The following EPB41L4A variants were observed in gnomAD, a reference collection of about 807,000 sequenced individuals.
The protein encoded by EPB41L4A is erythrocyte membrane protein band 4.1 like 4A, also known as band 4.1-like protein 4A.
EPB41L4A carries 100 observed loss-of-function variants against 108.6 expected under a neutral mutation model. That is an observed-to-expected ratio of 0.92 (90% CI 0.78 to 1.09). EPB41L4A has a LOEUF of 1.09. Among genes scored for constraint, EPB41L4A ranks in the 50% least tolerant of loss-of-function variants. The pLI is 0.00. For synonymous variants in EPB41L4A, 319 were observed against 289.0 expected, an observed-to-expected ratio of 1.10 and a Z score of -1.05; for missense variants, 1,030 against 842.7, an observed-to-expected ratio of 1.22 and a Z score of -2.75.
intron 12 of EPB41L4A, among the ~76,000 whole-genome samples, chr5:112,154,435 T>C (rs1282981369): frequency 1.3e-5 from 2 of 152,242 alleles, no homozygotes; most frequent in Admixed American, 1.3e-4. Flanking sequence ...TTTTGATATT[T>C]AACATTCAAT....
At position 112,416,073 on chromosome 5, in the gene EPB41L4A, T is replaced by C. The variant is rs150866820; in HGVS notation, c.99+2868A>G. 2.0e-5 allele frequency among the ~76,000 whole-genome samples: 3 copies of C among 151,182 alleles called. No individual in the cohort carries two copies. In the East Asian group the frequency reaches 5.8e-4, roughly 29 times the overall value. Reference sequence around the variant, plus strand: ...CTGATATTCATCTTACCATATAAGATGAGTAACTGTTGTCTTCAGGCTGAA... The same window carrying C: ...CTGATATTCATCTTACCATATAAGACGAGTAACTGTTGTCTTCAGGCTGAA... On this transcript the variant is annotated intron_variant, in intron 1 of 22. Coordinates refer to ENST00000261486, the MANE Select transcript of EPB41L4A (RefSeq NM_022140.5).
chr5:112,174,991 G>T (rs1760787403), intron 18 of EPB41L4A, among the ~76,000 whole-genome samples: 1 of 152,116 alleles, frequency 6.6e-6, no homozygotes, highest in South Asian at 2.1e-4. Context: ...AAGCCACTGA[G>T]ATGAACAACC....
intron 12 of EPB41L4A, among the ~76,000 whole-genome samples, chr5:112,224,847 C>T (rs188287926): frequency 6.6e-6 from 1 of 152,248 alleles, no homozygotes; most frequent in South Asian, 2.1e-4. Context: ...CACAATCACA[C>T]TTTTGCCAAA....
intron 1 of EPB41L4A, among the ~76,000 whole-genome samples, chr5:112,395,320 G>A (rs1761256315): frequency 6.6e-6 from 1 of 152,236 alleles, no homozygotes; most frequent in African/African-American, 2.4e-5. Flanking sequence ...CCTACAGAAT[G>A]GGAGAAAATT....
In EPB41L4A at chr5:112,240,812, TAA is replaced by T; in HGVS notation, c.796-4_796-3del. 6.4e-7 allele frequency: 1 copy of T among 1,566,832 alleles called. No individual in the cohort carries two copies. The highest frequency in any genetic ancestry group is 8.6e-7 in the Non-Finnish European group (1 of 1,156,164). ...AAAAAAGAATGAGGTTTCGTTACAC[TAA>T]GAGAGAAAGAGAGACAGAATATGAA... On this transcript the variant is annotated splice_region_variant and splice_polypyrimidine_tract_variant and intron_variant, in intron 9 of 22. Coordinates refer to ENST00000261486, the MANE Select transcript of EPB41L4A (RefSeq NM_022140.5).
chr5:112,412,891 T>A (rs946892684), intron 1 of EPB41L4A, among the ~76,000 whole-genome samples: 6 of 152,214 alleles, frequency 3.9e-5, no homozygotes, highest in African/African-American at 1.4e-4. Flanking sequence ...AATTTTTTCA[T>A]AAAAACCCAA....
intron 1 of EPB41L4A, among the ~76,000 whole-genome samples, chr5:112,384,836 C>T (rs255721): frequency 0.53 from 80,767 of 151,956 alleles, 23,418 homozygotes; most frequent in African/African-American, 0.79. Flanking sequence ...AATGGAATCA[C>T]AATGGAATTT....
rs887010840 is a variant in EPB41L4A, at chr5:112,329,065, C to T, written c.100-21575G>A. On this transcript the variant is annotated intron_variant, in intron 1 of 22. Coordinates refer to ENST00000261486, the MANE Select transcript of EPB41L4A (RefSeq NM_022140.5). ...AACCTGAGAGCTGTGCAGTCCGATA[C>T]GGTAGCCACTAGCCATGTGTGGCTG... Among the ~76,000 whole-genome samples the T allele has an allele frequency of 6.6e-5, 10 of 152,190 alleles. No homozygotes were observed. In the South Asian group the frequency reaches 8.3e-4, roughly 13 times the overall value.
At position 112,419,166 on chromosome 5, in the gene EPB41L4A, G is replaced by T. The variant is rs973328216; in HGVS notation, c.-127C>A. ...GGCGAGGGTGAGACGAGCAGCTCCC[G>T]GCGGGGTCCGGGGACCGGCCGCCGA... is the stretch of plus-strand genomic sequence containing the variant. On this transcript the variant is annotated 5_prime_UTR_variant, in exon 1 of 23. Coordinates refer to ENST00000261486, the MANE Select transcript of EPB41L4A (RefSeq NM_022140.5). The T allele has an allele frequency of 5.5e-5, 37 of 668,470 alleles. No homozygotes were observed. Among genetic ancestry groups the T allele is most frequent in the Middle Eastern group, 8.4e-4 (2 of 2,384 alleles). The allele number at this position is 668,470 out of a possible 1,614,324, so 41.4% of individuals were successfully genotyped here. A position where few individuals can be genotyped will look rare whatever the true frequency, so the allele number is the denominator to read the frequency against.
At chr5:112,384,610 T>C (rs890123936) in intron 1 of EPB41L4A, among the ~76,000 whole-genome samples, 11 of 151,832 alleles carry the variant, frequency 7.2e-5, no homozygotes, top group Non-Finnish European at 1.6e-4. Context: ...CCCGGGAAGA[T>C]AGTTTAGACA....
exon 14 of EPB41L4A, chr5:112,142,496 G>A (rs756124543): frequency 6.6e-6 from 1 of 152,180 alleles, no homozygotes; most frequent in Non-Finnish European, 1.5e-5. Flanking sequence ...ATGCTTATGG[G>A]TGTGGGTCAA....
intron 12 of EPB41L4A, among the ~76,000 whole-genome samples, chr5:112,211,340 T>C (rs552049764): frequency 1.0e-3 from 158 of 152,212 alleles, no homozygotes; most frequent in African/African-American, 3.7e-3. Context: ...TCCCAGCACT[T>C]TGGGAAGCCG....
chr5:112,381,711 ACAGC>A (rs1760185454), intron 1 of EPB41L4A, among the ~76,000 whole-genome samples: 1 of 152,262 alleles, frequency 6.6e-6, no homozygotes, highest in African/African-American at 2.4e-5. Context: ...GACACTGCCA[ACAGC>A]AGGACACACG....
At chr5:112,273,789 A>AT (rs1402032470) in intron 4 of EPB41L4A, among the ~76,000 whole-genome samples, 4 of 152,094 alleles carry the variant, frequency 2.6e-5, no homozygotes, top group Non-Finnish European at 2.9e-5. Flanking sequence ...ATATAAGTGT[A>AT]TTTTTTTATA....
intron 1 of EPB41L4A, among the ~76,000 whole-genome samples, chr5:112,375,160 C>T (rs1048233413): frequency 2.6e-5 from 4 of 152,084 alleles, no homozygotes; most frequent in Non-Finnish European, 5.9e-5. Flanking sequence ...GACTTACTTG[C>T]TCAGAGGATC....
chr5:112,372,272 T>C (rs1348733281), intron 1 of EPB41L4A, among the ~76,000 whole-genome samples: 4 of 152,118 alleles, frequency 2.6e-5, no homozygotes, highest in Non-Finnish European at 4.4e-5. Flanking sequence ...GCAGGGGAAA[T>C]GCCAGATGCT....
At chr5:112,408,344 A>C (rs1017707212) in intron 1 of EPB41L4A, among the ~76,000 whole-genome samples, 6 of 152,202 alleles carry the variant, frequency 3.9e-5, no homozygotes, top group African/African-American at 1.4e-4. Context: ...ATAGGAAAAA[A>C]TATAGATAAA....
chr5:112,360,278 C>T (rs1238121741), intron 1 of EPB41L4A, among the ~76,000 whole-genome samples: 2 of 152,034 alleles, frequency 1.3e-5, no homozygotes. Context: ...AACTGACCCT[C>T]GACCCTCTCC....
intron 1 of EPB41L4A, among the ~76,000 whole-genome samples, chr5:112,313,882 G>A (rs1388487206): frequency 6.2e-5 from 1 of 16,202 alleles, no homozygotes; most frequent in Non-Finnish European, 1.3e-4. Context: ...TTTTTTTTTT[G>A]AGATGGAGTC....
Sources: allele counts gnomAD v4.1 joint callset (sites outside exome capture counted in the v4.1 genomes callset), GRCh38; gene constraint gnomAD v4.1.1; transcripts MANE v1.5; gene names NCBI Gene and HGNC (gene_info 2026-07-23, HGNC 2026-07-21).